Variants in DNAH11 observed in about 807,000 individuals in gnomAD.
DNAH11 encodes the protein axonemal beta dynein heavy chain 11.
A neutral mutation model predicts 526.0 loss-of-function variants in DNAH11; 442 were observed. The ratio of observed to expected loss-of-function variants is 0.84; its 90% CI spans 0.78 to 0.91. The LOEUF (loss-of-function observed/expected upper bound fraction) is 0.91, where lower values mean the gene tolerates loss of function less well. DNAH11 is among the 40% of genes least tolerant of loss of function. The pLI is 0.00. For synonymous variants in DNAH11, 2,461 were observed against 1,935.9 expected (o/e 1.27, Z -7.12); for missense variants, 6,989 against 5,448.7 (o/e 1.28, Z -8.90).
chr7:21,638,316 A>T (rs934042458), intron 27 of DNAH11, among the ~76,000 whole-genome samples: 1 of 152,176 alleles, frequency 6.6e-6, no homozygotes, highest in Non-Finnish European at 1.5e-5. Flanking sequence ...TAAACAGAGC[A>T]GTTTTATAGT....
At chr7:21,898,605 A>G (rs1451132327) in intron 79 of DNAH11, among the ~76,000 whole-genome samples, 1 of 152,118 alleles carries the variant, frequency 6.6e-6, no homozygotes, top group Non-Finnish European at 1.5e-5. Context: ...TGAAACTTAC[A>G]ATTCAAGGTT....
At chr7:21,810,299 C>T (rs1171356589) in intron 63 of DNAH11, among the ~76,000 whole-genome samples, 3 of 152,128 alleles carry the variant, frequency 2.0e-5, no homozygotes, top group Non-Finnish European at 2.9e-5. Flanking sequence ...GAAAATCAGA[C>T]CTCCTGATTT....
At chr7:21,864,998 T>G (rs1276232670) in intron 70 of DNAH11, among the ~76,000 whole-genome samples, 3 of 152,198 alleles carry the variant, frequency 2.0e-5, no homozygotes, top group Admixed American at 2.0e-4. Flanking sequence ...CCTTAAAAAT[T>G]TGTTTTCTTT....
intron 66 of DNAH11, among the ~76,000 whole-genome samples, chr7:21,846,641 A>G (rs966935107): frequency 3.3e-5 from 5 of 152,152 alleles, no homozygotes; most frequent in African/African-American, 9.6e-5. Context: ...AACTATGCTC[A>G]TCAGAGATAT....
At chr7:21,594,801 G>A (rs1784808330) in intron 14 of DNAH11, among the ~76,000 whole-genome samples, 1 of 152,142 alleles carries the variant, frequency 6.6e-6, no homozygotes, top group Non-Finnish European at 1.5e-5. Context: ...GCTAAGCTGC[G>A]TGGTGAGGGA....
intron 65 of DNAH11, among the ~76,000 whole-genome samples, chr7:21,822,914 G>T (rs985233987): frequency 7.2e-6 from 1 of 139,702 alleles, no homozygotes; most frequent in African/African-American, 2.6e-5. Context: ...TTTTGAGAAA[G>T]ATCTACTCAG....
chr7:21,588,721 CA>C, intron 11 of DNAH11, 85 bp downstream of exon 11: 1 of 1,486,472 alleles, frequency 6.7e-7, no homozygotes, highest in Non-Finnish European at 9.3e-7. Flanking sequence ...TTCATATTAG[CA>C]CTTAGGAAGC....
At chr7:21,841,041 G>A (rs2128015596) in intron 65 of DNAH11, among the ~76,000 whole-genome samples, 1 of 152,124 alleles carries the variant, frequency 6.6e-6, no homozygotes, top group East Asian at 1.9e-4. Context: ...AAAATTAGCT[G>A]GGCGTGGTGG....
intron 65 of DNAH11, among the ~76,000 whole-genome samples, chr7:21,832,698 T>G (rs1781834447): frequency 1.3e-5 from 2 of 152,220 alleles, no homozygotes; most frequent in South Asian, 4.1e-4. Flanking sequence ...GAGAAGAGAT[T>G]ACACTAGCAC....
chr7:21,802,398 A>C (rs1789033679), intron 62 of DNAH11, among the ~76,000 whole-genome samples: 1 of 152,182 alleles, frequency 6.6e-6, no homozygotes, highest in African/African-American at 2.4e-5. Context: ...GCGTCTTTGG[A>C]AAACAGTTCT....
rs541595891 is a variant in DNAH11, at chr7:21,738,708, T to A, written c.7653T>A (p.Leu2551=). Residue 2551 remains leucine (L), a synonymous_variant, in exon 47 of 82, where the codon CTT becomes CTA. Coordinates refer to ENST00000409508, the MANE Select transcript of DNAH11 (RefSeq NM_001277115.2). ...AATATATGTTTATTTCAGAAATTCT[T>A]GAGAAACCCCTAGAGAAAAAAGCTG... ...YTTSTALQKI[L]EKPLEKKAGH... 3.0e-5 allele frequency: 47 copies of A among 1,570,848 alleles called. No individual in the cohort carries two copies. The African/African-American group carries it at 3.3e-4, about 11-fold the overall frequency.
rs1583818817 is a variant in DNAH11, at chr7:21,892,801, T to C, written c.12750+134T>C. On this transcript the variant is annotated intron_variant, in intron 77 of 81. Transcript: ENST00000409508. ...CATACAACCACCACCTAGATCAAAA[T>C]AACATTTCCAACACTCCAGAAGGAT... 8 of 1,064,996 alleles carry C rather than the reference T, an allele frequency of 7.5e-6. No individual in the cohort carries two copies. In the East Asian group the frequency reaches 1.3e-4, roughly 17 times the overall value. The allele number at this position is 1,064,996 out of a possible 1,614,324, so 66.0% of individuals were successfully genotyped here. A position where few individuals can be genotyped will look rare whatever the true frequency, so the allele number is the denominator to read the frequency against.
chr7:21,600,844 C>G lies in DNAH11; in HGVS notation c.3169C>G (p.His1057Asp). ...EFMKHFLLYG[H>D]AVSSDEMDAH... ...TATGAAGCATTTTCTCTTGTATGGC[C>G]ATGCTGTGTCTTCCGATGAAATGGA... The change falls in exon 16 of 82, where the codon CAT (histidine) becomes GAT (aspartate). Residue 1057 changes from histidine to aspartate, a missense_variant. Physicochemically the swap from His to Asp is moderately conservative, Grantham distance 81. Transcript: ENST00000409508. 1 of 1,613,910 alleles carries G rather than the reference C, an allele frequency of 6.2e-7. No individual in the cohort carries two copies. The highest frequency in any genetic ancestry group is 8.5e-7 in the Non-Finnish European group (1 of 1,179,856).
At chr7:21,867,354 C>T (rs1783320069) in intron 71 of DNAH11, among the ~76,000 whole-genome samples, 1 of 152,322 alleles carries the variant, frequency 6.6e-6, no homozygotes, top group South Asian at 2.1e-4. Context: ...CTCTGCTGAA[C>T]TCTACTTTAC....
At chr7:21,566,015 C>G (rs1783653616) in intron 6 of DNAH11, among the ~76,000 whole-genome samples, 1 of 152,150 alleles carries the variant, frequency 6.6e-6, no homozygotes, top group African/African-American at 2.4e-5. Context: ...TGTAAAACAC[C>G]ACAATCCCTG....
At chr7:21,801,670 T>C (rs960605630) in intron 62 of DNAH11, among the ~76,000 whole-genome samples, 7 of 152,238 alleles carry the variant, frequency 4.6e-5, no homozygotes, top group African/African-American at 1.4e-4. Flanking sequence ...AAATAAAGCA[T>C]GTTTTTCTTA....
At chr7:21,771,256 G>C (rs1181194883) in intron 55 of DNAH11, among the ~76,000 whole-genome samples, 1 of 152,124 alleles carries the variant, frequency 6.6e-6, no homozygotes, top group Non-Finnish European at 1.5e-5. Context: ...TAGTATTACA[G>C]ACCAATGTAG....
At chr7:21,812,305 T>C (rs1789559437) in intron 63 of DNAH11, among the ~76,000 whole-genome samples, 1 of 152,008 alleles carries the variant, frequency 6.6e-6, no homozygotes, top group Admixed American at 6.6e-5. Context: ...AGAATCATGA[T>C]TTGGGTTGAC....
intron 61 of DNAH11, among the ~76,000 whole-genome samples, chr7:21,797,985 A>T (rs1224502486): frequency 6.6e-6 from 1 of 152,262 alleles, no homozygotes; most frequent in Admixed American, 6.5e-5. Context: ...CCTATGAAGT[A>T]GGTATTACTA....
Sources: gnomAD v4.1 joint callset for allele counts (sites outside exome capture counted in the v4.1 genomes callset) on GRCh38, gnomAD v4.1.1 for gene constraint, MANE v1.5 for transcripts, NCBI Gene and HGNC (gene_info 2026-07-23, HGNC 2026-07-21) for gene names.